PRPF4: variants seen among roughly 807,000 people sequenced by gnomAD.
PRPF4 encodes pre-mRNA splicing tri-snRNP complex factor PRPF4.
Under a neutral mutation model 72.2 loss-of-function variants are expected in PRPF4, and 14 were observed. The observed-to-expected ratio is 0.19, with a 90% CI of 0.13 to 0.30. The LOEUF is 0.30. Ranked by LOEUF, PRPF4 falls within the 10% of genes least tolerant of loss-of-function variation. The pLI is 1.00. For synonymous variants in PRPF4, 225 were observed against 232.2 expected, an observed-to-expected ratio of 0.97 and a Z score of 0.28; for missense variants, 478 against 653.9, an observed-to-expected ratio of 0.73 and a Z score of 2.93.
Position 113,286,745 on chromosome 9 carries a change from A to G in PRPF4, c.849A>G (p.Lys283=). The G allele has an allele frequency of 6.2e-7, 1 of 1,614,128 alleles. No homozygotes were observed. Residue 283 remains lysine, a synonymous_variant, in exon 9 of 14, where the codon AAA becomes AAG. Transcript: ENST00000374198. ...TAGGAGCAATTGTATTCCATCCCAA[A>G]TCCACTGTCTCCTTGGACCCAAAAG... The part of the protein sequence containing the change: ...TNVGAIVFHP[K]STVSLDPKDV...
In PRPF4 at chr9:113,276,610, T is replaced by C. The variant is rs1158046543; in HGVS notation, c.90T>C (p.Tyr30=). 2 of 1,614,086 alleles carry C rather than the reference T, an allele frequency of 1.2e-6. No homozygotes were observed. The highest frequency in any genetic ancestry group is 1.1e-5 in the South Asian group (1 of 91,078). Residue 30 remains tyrosine, a synonymous_variant, in exon 2 of 14, where the codon TAT becomes TAC. Transcript: ENST00000374198. ...VAPVVKKPHI[Y]YGSLEEKERE... ...CGGTCGTGAAGAAACCACACATCTA[T>C]TATGGAAGTTTGGAAGAGAAGGAGA... is the stretch of plus-strand genomic sequence containing the variant.
intron 10 of PRPF4, 32 bp from the exon 11 acceptor site, chr9:113,290,434 G>T (rs1564259214): frequency 1.2e-6 from 2 of 1,613,768 alleles, no homozygotes; most frequent in Middle Eastern, 3.4e-4. Flanking sequence ...ATAAATATCA[G>T]CTGGTTGATT....
intron 6 of PRPF4, 54 bp from the exon 7 acceptor site, chr9:113,284,241 C>A: frequency 7.6e-7 from 1 of 1,324,264 alleles, no homozygotes; most frequent in Non-Finnish European, 1.1e-6. Flanking sequence ...AGCAAAGGAG[C>A]TCTTAGATTA....
At chr9:113,277,629 G>T (rs1265116182) in intron 2 of PRPF4, among the ~76,000 whole-genome samples, 1 of 151,870 alleles carries the variant, frequency 6.6e-6, no homozygotes, top group Non-Finnish European at 1.5e-5. Flanking sequence ...CAAATGATCC[G>T]CCCACCTCGG....
chr9:113,291,787 A>C lies in PRPF4; in HGVS notation c.*127A>C. The C allele has an allele frequency of 1.0e-6, 1 of 966,594 alleles. No individual in the cohort carries two copies. Among genetic ancestry groups the C allele is most frequent in the Non-Finnish European group, 1.5e-6 (1 of 674,664 alleles). 59.9% of individuals were successfully genotyped at this position (966,594 alleles called of 1,614,324 possible). ...ATTACCATGCATAGACCCTCAGTAGAATTGGATTTCCATGTCAGCCCCCAC... is the reference window on the plus strand; with the variant it reads ...ATTACCATGCATAGACCCTCAGTAGCATTGGATTTCCATGTCAGCCCCCAC... On this transcript the variant is annotated 3_prime_UTR_variant, in exon 14 of 14. Transcript: ENST00000374198.
Position 113,283,203 on chromosome 9 carries a change from G to T in PRPF4, c.552G>T (p.Ser184=), listed in dbSNP as rs151033757. 2 of 1,614,138 alleles carry T rather than the reference G, an allele frequency of 1.2e-6. No individual in the cohort carries two copies. Among genetic ancestry groups the T allele is most frequent in the Non-Finnish European group, 1.7e-6 (2 of 1,180,042 alleles). The part of the protein sequence containing the change: ...KVARLWIANY[S]LPRAMKRLEE... ...CAAGACTATGGATTGCTAATTATTC[G>T]TTGCCCAGGTAAAGAGAGCCTCCAG... The change falls in exon 5 of 14, where the codon TCG becomes TCT. Residue 184 remains serine (S), a synonymous_variant. Coordinates refer to ENST00000374198, the MANE Select transcript of PRPF4 (RefSeq NM_001244926.2).
At chr9:113,289,160 G>A (rs1244905789) in intron 10 of PRPF4, among the ~76,000 whole-genome samples, 3 of 152,328 alleles carry the variant, frequency 2.0e-5, no homozygotes, top group Non-Finnish European at 2.9e-5. Flanking sequence ...ACATTGTTAA[G>A]AGTCATTCAT....
At chr9:113,277,980 C>CA (rs543381831) in intron 2 of PRPF4, among the ~76,000 whole-genome samples, 17 of 146,528 alleles carry the variant, frequency 1.2e-4, no homozygotes, top group Admixed American at 2.7e-4. Context: ...GACCCTGTCT[C>CA]AAAAAAAAAA....
intron 1 of PRPF4, 66 bp from the exon 2 acceptor site, chr9:113,276,482 C>T (rs937649979): frequency 2.6e-6 from 4 of 1,561,086 alleles, no homozygotes; most frequent in Non-Finnish European, 3.5e-6. Flanking sequence ...GAGCTTCATC[C>T]TCTGGTGAAG....
intron 3 of PRPF4, among the ~76,000 whole-genome samples, chr9:113,281,551 G>A (rs1440745718): frequency 6.6e-6 from 1 of 152,048 alleles, no homozygotes; most frequent in Non-Finnish European, 1.5e-5. Flanking sequence ...CCTCCTGAGC[G>A]TGGCATTAGC....
chr9:113,290,364 A>G (rs535031332), intron 10 of PRPF4, 102 bp from the exon 11 acceptor site: 242 of 1,505,456 alleles, frequency 1.6e-4, no homozygotes, highest in East Asian at 1.3e-3. Context: ...GAATAGTTTC[A>G]GAAGCATTAA....
intron 7 of PRPF4, 59 bp downstream of exon 7, chr9:113,284,448 A>G: frequency 7.1e-7 from 1 of 1,417,124 alleles, no homozygotes. Context: ...CAGGAAGAAA[A>G]TTAGCATTTG....
chr9:113,282,906 A>T, intron 4 of PRPF4, 173 bp downstream of exon 4: 1 of 1,008,518 alleles, frequency 9.9e-7, no homozygotes, highest in Non-Finnish European at 1.4e-6. Context: ...GTAAGTATGA[A>T]TGGAGCTAAG....
chr9:113,283,062 G>C, intron 4 of PRPF4, 70 bp from the exon 5 acceptor site: 1 of 1,601,654 alleles, frequency 6.2e-7, no homozygotes, highest in Non-Finnish European at 8.5e-7. Flanking sequence ...AGTTAAAATG[G>C]AGAAATGACA....
intron 3 of PRPF4, among the ~76,000 whole-genome samples, chr9:113,282,174 A>C (rs1401721134): frequency 6.6e-6 from 1 of 152,204 alleles, no homozygotes; most frequent in East Asian, 1.9e-4. Context: ...CTTGACTCTT[A>C]AAGAAGGTTC....
intron 9 of PRPF4, 97 bp from the exon 10 acceptor site, chr9:113,288,078 C>A (rs41276785): frequency 1.8e-6 from 2 of 1,116,190 alleles, no homozygotes; most frequent in Non-Finnish European, 2.6e-6. Context: ...TTTAGCCTCT[C>A]GTGTTGTACA....
At position 113,291,627 on chromosome 9, in the gene PRPF4, T is replaced by C. The variant is rs1011538627; in HGVS notation, c.1533T>C (p.Tyr511=). 1.2e-6 allele frequency: 2 copies of C among 1,614,208 alleles called. No homozygotes were observed. The highest frequency in any genetic ancestry group is 1.7e-5 in the Admixed American group (1 of 60,024). ...SDGQLIATCS[Y]DRTFKLWMAE is the part of the protein sequence containing the mutation. The stretch of plus-strand genomic sequence containing the variant: ...GGCAGCTCATAGCCACTTGCTCATA[T>C]GACAGGACCTTCAAGCTGTGGATGG... Residue 511 remains tyrosine, a synonymous_variant, in exon 14 of 14, where the codon TAT becomes TAC. Coordinates refer to ENST00000374198, the MANE Select transcript of PRPF4 (RefSeq NM_001244926.2).
At chr9:113,278,832 T>C in intron 2 of PRPF4, 113 bp from the exon 3 acceptor site, 1 of 997,120 alleles carries the variant, frequency 1.0e-6, no homozygotes, top group Non-Finnish European at 1.5e-6. Context: ...AACTATAAAA[T>C]GTGTAATAGA....
In PRPF4 at chr9:113,290,781, C is replaced by T. The variant is rs760180600; in HGVS notation, c.1227C>T (p.Ile409=). ...TCTTAGAAGGCCACCTGAAAGAAAT[C>T]TATGGAATAAATTTCTCCCCCAATG... ...IMFLEGHLKE[I]YGINFSPNGY... Residue 409 remains isoleucine, a synonymous_variant, in exon 12 of 14, where the codon ATC becomes ATT. Transcript: ENST00000374198. 8.1e-6 allele frequency: 13 copies of T among 1,614,026 alleles called. No individual in the cohort carries two copies. The highest frequency in any genetic ancestry group is 1.1e-5 in the Non-Finnish European group (13 of 1,180,008).
Sources: gnomAD v4.1 joint callset for allele counts (sites outside exome capture counted in the v4.1 genomes callset) on GRCh38, gnomAD v4.1.1 for gene constraint, MANE v1.5 for transcripts, NCBI Gene and HGNC (gene_info 2026-07-23, HGNC 2026-07-21) for gene names.